GNAO1: variants seen among roughly 807,000 people sequenced by gnomAD.
GNAO1 encodes G protein subunit alpha o1.
For synonymous variants in GNAO1, 164 were observed against 180.7 expected (o/e 0.91, Z 0.74); for missense variants, 166 against 478.7 (o/e 0.35, Z 6.10).
chr16:56,212,606 G>A (rs2036399983), intron 2 of GNAO1, among the ~76,000 whole-genome samples: 1 of 152,234 alleles, frequency 6.6e-6, no homozygotes, highest in African/African-American at 2.4e-5. Flanking sequence ...AGGACCTGAG[G>A]AACTCTTCTA....
At chr16:56,206,705 T>C (rs1278375952) in intron 2 of GNAO1, among the ~76,000 whole-genome samples, 2 of 152,236 alleles carry the variant, frequency 1.3e-5, no homozygotes, top group Non-Finnish European at 2.9e-5. Context: ...TAAACCTGAC[T>C]TACAAAATGC....
At chr16:56,289,683 T>G (rs1394443041) in intron 3 of GNAO1, among the ~76,000 whole-genome samples, 1 of 152,086 alleles carries the variant, frequency 6.6e-6, no homozygotes, top group East Asian at 1.9e-4. Flanking sequence ...CGGCGCAGGC[T>G]TGAGGAGGGG....
intron 2 of GNAO1, among the ~76,000 whole-genome samples, chr16:56,259,974 T>G (rs1461667514): frequency 6.6e-6 from 1 of 152,234 alleles, no homozygotes; most frequent in Non-Finnish European, 1.5e-5. Flanking sequence ...TGGAGAGCTC[T>G]TGAGAACACC....
chr16:56,258,525 A>G lies in GNAO1; in HGVS notation c.162-17406A>G, dbSNP rs138574723. ...TAGTGGCACACCACCCAGAGCAGAA[A>G]ACCCCTTGCCCATGGTTCTGTCATA... On this transcript the variant is annotated intron_variant, in intron 2 of 8. Transcript: ENST00000262493. Among the ~76,000 whole-genome samples, 50 of 152,312 alleles carry G rather than the reference A, an allele frequency of 3.3e-4. No homozygotes were observed. The East Asian group carries it at 7.7e-3, about 24-fold the overall frequency.
At chr16:56,226,528 CTT>C (rs1434060547) in intron 2 of GNAO1, 9 of 152,212 alleles carry the variant, frequency 5.9e-5, no homozygotes, top group African/African-American at 2.2e-4. Flanking sequence ...CATTCCATGG[CTT>C]TGCTCTGAGC....
rs1437835350 is a variant in GNAO1, at chr16:56,340,966, A to G, written c.723+4106A>G. 1.2e-6 allele frequency: 2 copies of G among 1,613,800 alleles called. No individual in the cohort carries two copies. Among genetic ancestry groups the G allele is most frequent in the Non-Finnish European group, 1.7e-6 (2 of 1,179,910 alleles). The stretch of plus-strand genomic sequence containing the variant: ...GAAGATCAAGAAGTCCCCGCTCACC[A>G]TCTGCTTTCCTGAATATACAGGTAG... On this transcript the variant is annotated intron_variant, in intron 6 of 8. Coordinates refer to ENST00000262493, the MANE Select transcript of GNAO1 (RefSeq NM_020988.3).
intron 6 of GNAO1, chr16:56,344,578 G>A: frequency 2.0e-6 from 2 of 986,138 alleles, no homozygotes; most frequent in Non-Finnish European, 2.4e-6. Context: ...TCCCATCCCT[G>A]ACTCCTCCGA....
chr16:56,347,585 C>T, intron 6 of GNAO1: 1 of 985,436 alleles, frequency 1.0e-6, no homozygotes, highest in Non-Finnish European at 1.2e-6. Flanking sequence ...GAAAGAATGG[C>T]CCCCAGTCCA....
intron 2 of GNAO1, among the ~76,000 whole-genome samples, chr16:56,263,825 C>T (rs1182638580): frequency 1.3e-5 from 2 of 152,202 alleles, no homozygotes; most frequent in South Asian, 2.1e-4. Flanking sequence ...CAACACCTGA[C>T]CTGTCCAAGA....
At chr16:56,228,586 C>G (rs1342498064) in intron 2 of GNAO1, among the ~76,000 whole-genome samples, 1 of 152,186 alleles carries the variant, frequency 6.6e-6, no homozygotes, top group African/African-American at 2.4e-5. Context: ...TCCTGACTCA[C>G]ACCTTGAGCT....
At chr16:56,239,566 T>C (rs890707176) in intron 2 of GNAO1, among the ~76,000 whole-genome samples, 7 of 152,218 alleles carry the variant, frequency 4.6e-5, no homozygotes, top group Non-Finnish European at 7.3e-5. Context: ...CTGTACCCTT[T>C]TGGAGCCTAC....
chr16:56,258,139 C>T (rs2036870047), intron 2 of GNAO1, among the ~76,000 whole-genome samples: 1 of 152,248 alleles, frequency 6.6e-6, no homozygotes, highest in African/African-American at 2.4e-5. Context: ...TACGTGACTG[C>T]AGGCCAGCCA....
At chr16:56,341,043 G>A in intron 6 of GNAO1, 1 of 1,456,290 alleles carries the variant, frequency 6.9e-7, no homozygotes, top group South Asian at 1.2e-5. Flanking sequence ...CGTTCCCAAA[G>A]CCCAGTCCAC....
At chr16:56,279,575 A>G (rs2037095830) in intron 3 of GNAO1, among the ~76,000 whole-genome samples, 1 of 152,122 alleles carries the variant, frequency 6.6e-6, no homozygotes, top group South Asian at 2.1e-4. Flanking sequence ...GTAAGGGCCC[A>G]CTATGCTTCA....
intron 3 of GNAO1, among the ~76,000 whole-genome samples, chr16:56,293,177 A>G (rs1301929039): frequency 6.6e-6 from 1 of 152,244 alleles, no homozygotes; most frequent in African/African-American, 2.4e-5. Context: ...ACCTTGGAAG[A>G]AGAGATGAAA....
At chr16:56,288,436 A>G (rs1316271013) in intron 3 of GNAO1, among the ~76,000 whole-genome samples, 2 of 152,250 alleles carry the variant, frequency 1.3e-5, no homozygotes, top group African/African-American at 4.8e-5. Context: ...AAGTGTCCCC[A>G]TATGGGGCAC....
chr16:56,300,036 T>TGTGTGTGTGTGTGTGTGTGTGTGCGCGC (rs753591618), intron 3 of GNAO1, among the ~76,000 whole-genome samples: 2 of 95,176 alleles, frequency 2.1e-5, no homozygotes, highest in African/African-American at 9.5e-5. Flanking sequence ...TGTGTGTGTG[T>TGTGTGTGTGTGTGTGTGTGTGTGCGCGC]GCGCGCGCGC....
At chr16:56,249,187 G>A (rs1416234137) in intron 2 of GNAO1, among the ~76,000 whole-genome samples, 1 of 152,156 alleles carries the variant, frequency 6.6e-6, no homozygotes, top group African/African-American at 2.4e-5. Context: ...TGAATCCAAG[G>A]TTTTTGGCCT....
At chr16:56,310,896 C>A (rs1239801227) in intron 3 of GNAO1, among the ~76,000 whole-genome samples, 2 of 152,114 alleles carry the variant, frequency 1.3e-5, no homozygotes, top group African/African-American at 4.8e-5. Context: ...GGCACCACCA[C>A]CCCCTAGGAT....
Sources: allele counts gnomAD v4.1 joint callset (sites outside exome capture counted in the v4.1 genomes callset), GRCh38; gene constraint gnomAD v4.1.1; transcripts MANE v1.5; gene names NCBI Gene and HGNC (gene_info 2026-07-23, HGNC 2026-07-21).